Variants in SLC28A1 observed in about 807,000 individuals in gnomAD.
The protein encoded by SLC28A1 is solute carrier family 28 member 1.
A neutral mutation model predicts 74.8 loss-of-function variants in SLC28A1; 64 were observed. That is an observed-to-expected ratio of 0.86 (90% CI 0.70 to 1.05). The LOEUF is 1.05. SLC28A1 is among the 50% of genes least tolerant of loss of function. The pLI is 0.00. For synonymous variants in SLC28A1, 359 were observed against 335.0 expected (o/e 1.07, Z -0.78); for missense variants, 828 against 822.8 (o/e 1.01, Z -0.08).
chr15:84,906,166 C>G (rs12901949), intron 8 of SLC28A1, among the ~76,000 whole-genome samples: 46,225 of 151,542 alleles, frequency 0.31, 7,166 homozygotes, highest in Middle Eastern at 0.34. Flanking sequence ...ATTACAGGCT[C>G]CCACCACCAT....
At chr15:84,965,240 T>C in the SLC28A1 span, among the ~76,000 whole-genome samples, 1 of 152,194 alleles carries the variant, frequency 6.6e-6, no homozygotes, top group African/African-American at 2.4e-5. Context: ...CCTCCCACCA[T>C]GTACAGAAAA....
chr15:84,945,331 T>C lies in SLC28A1; in HGVS notation c.*131T>C, dbSNP rs912060544. On this transcript the variant is annotated 3_prime_UTR_variant, in exon 19 of 19. Transcript: ENST00000394573. ...ACTTAGACCCAGCTCAATCCCACAA[T>C]TGGGAAGGGTTCATGGAGTGAGTGT... The C allele has an allele frequency of 2.9e-5, 23 of 802,646 alleles. No individual in the cohort carries two copies. The highest frequency in any genetic ancestry group is 2.2e-4 in the Middle Eastern group (1 of 4,546). 49.7% of individuals were successfully genotyped at this position (802,646 alleles called of 1,614,324 possible).
At chr15:84,935,959 T>TGG (rs1971863699) in intron 15 of SLC28A1, among the ~76,000 whole-genome samples, 1 of 135,804 alleles carries the variant, frequency 7.4e-6, no homozygotes, top group South Asian at 2.4e-4. Flanking sequence ...TTGTTTTTTT[T>TGG]TTTTTTTTTT....
chr15:84,942,259 G>A (rs1396043889), intron 15 of SLC28A1, among the ~76,000 whole-genome samples: 4 of 152,050 alleles, frequency 2.6e-5, no homozygotes, highest in Non-Finnish European at 4.4e-5. Flanking sequence ...CCATCCCCTC[G>A]AGCATTTATC....
At chr15:84,936,178 C>T (rs1567182902) in intron 15 of SLC28A1, among the ~76,000 whole-genome samples, 1 of 150,958 alleles carries the variant, frequency 6.6e-6, no homozygotes, top group Non-Finnish European at 1.5e-5. Flanking sequence ...CTCCTGACCT[C>T]GTGATCTGCC....
intron 5 of SLC28A1, among the ~76,000 whole-genome samples, chr15:84,893,432 C>A (rs953925496): frequency 3.3e-5 from 5 of 152,226 alleles, no homozygotes; most frequent in Non-Finnish European, 7.3e-5. Flanking sequence ...AGCCCACAAG[C>A]TTCCATGTGA....
chr15:84,947,400 G>T (rs2079269242), downstream of SLC28A1, among the ~76,000 whole-genome samples: 1 of 152,164 alleles, frequency 6.6e-6, no homozygotes. Context: ...CCCAAGGACT[G>T]CCCTTGACCC....
rs189248824 is a variant in SLC28A1, at chr15:84,933,246, G to A, written c.1185G>A (p.Arg395=). The A allele has an allele frequency of 2.0e-4, 324 of 1,613,562 alleles. No homozygotes were observed. The highest frequency in any genetic ancestry group is 2.5e-4 in the Admixed American group (15 of 60,000). The change falls in exon 13 of 19, where the codon AGG becomes AGA. Residue 395 remains arginine (R), a synonymous_variant. Coordinates refer to ENST00000394573, the MANE Select transcript of SLC28A1 (RefSeq NM_004213.5). ...VYPEVEESKF[R]REEGVKLTYG... is the part of the protein sequence containing the mutation. ...CGGAGGTGGAGGAGTCCAAGTTTAG[G>A]AGGGAGGAAGGAGTGAAACTGACCT...
intron 12 of SLC28A1, among the ~76,000 whole-genome samples, chr15:84,928,772 C>T (rs981854851): frequency 1.3e-5 from 2 of 151,324 alleles, no homozygotes; most frequent in African/African-American, 4.9e-5. Flanking sequence ...TACAGGCATG[C>T]GCCACCAACC....
intron 9 of SLC28A1, among the ~76,000 whole-genome samples, chr15:84,912,797 T>TGCGCCC (rs1968460508): frequency 8.5e-6 from 1 of 118,174 alleles, no homozygotes; most frequent in East Asian, 2.4e-4. Context: ...TGCCAAATTT[T>TGCGCCC]GCGCGCGCGC....
chr15:84,956,535 C>A, the SLC28A1 span, among the ~76,000 whole-genome samples: 1 of 147,622 alleles, frequency 6.8e-6, no homozygotes, highest in Non-Finnish European at 1.5e-5. Context: ...CTTTGTCACC[C>A]AGGCTGGAGT....
intron 1 of SLC28A1, chr15:84,886,400 T>C: frequency 1.0e-6 from 1 of 984,250 alleles, no homozygotes; most frequent in East Asian, 1.1e-4. Context: ...AGGGAAATAA[T>C]CACATAGGTG....
chr15:84,948,988 C>T (rs2079324321), downstream of SLC28A1, among the ~76,000 whole-genome samples: 1 of 152,170 alleles, frequency 6.6e-6, no homozygotes, highest in Non-Finnish European at 1.5e-5. Flanking sequence ...CTTTTTCCTA[C>T]TTACCAAAGT....
At chr15:84,922,335 T>C (rs1318915295) in intron 11 of SLC28A1, among the ~76,000 whole-genome samples, 1 of 152,192 alleles carries the variant, frequency 6.6e-6, no homozygotes, top group Non-Finnish European at 1.5e-5. Flanking sequence ...CAACCTGAAC[T>C]GTTGCTCCCC....
chr15:84,893,304 C>G (rs1177391648), intron 5 of SLC28A1, among the ~76,000 whole-genome samples: 4 of 152,136 alleles, frequency 2.6e-5, no homozygotes, highest in Non-Finnish European at 1.5e-5. Flanking sequence ...GACCACGGAG[C>G]CTCTCCCTGG....
the SLC28A1 span, among the ~76,000 whole-genome samples, chr15:84,957,576 A>G: frequency 6.6e-6 from 1 of 152,140 alleles, no homozygotes. Context: ...CGACAACACT[A>G]TTCTCTCTGA....
At chr15:84,904,260 C>G in intron 7 of SLC28A1, 22 bp downstream of exon 7, 1 of 1,613,154 alleles carries the variant, frequency 6.2e-7, no homozygotes, top group Non-Finnish European at 8.5e-7. Context: ...TTGTGGGGCC[C>G]AGGGCTGGAA....
chr15:84,939,982 C>G (rs1185542188), intron 15 of SLC28A1, among the ~76,000 whole-genome samples: 2 of 152,130 alleles, frequency 1.3e-5, no homozygotes, highest in Non-Finnish European at 2.9e-5. Flanking sequence ...TGCCACCACA[C>G]CTGGCTAACT....
At chr15:84,915,126 A>T (rs1188484775) in intron 9 of SLC28A1, among the ~76,000 whole-genome samples, 1 of 152,126 alleles carries the variant, frequency 6.6e-6, no homozygotes, top group African/African-American at 2.4e-5. Flanking sequence ...TCTCAGTCCC[A>T]GGAGTGTGGG....
Sources: gnomAD v4.1 joint callset for allele counts (sites outside exome capture counted in the v4.1 genomes callset) on GRCh38, gnomAD v4.1.1 for gene constraint, MANE v1.5 for transcripts, NCBI Gene and HGNC (gene_info 2026-07-23, HGNC 2026-07-21) for gene names.